The following UBE2V2 variants were observed in gnomAD, a reference collection of about 807,000 sequenced individuals.
UBE2V2 encodes ubiquitin conjugating enzyme E2 V2.
UBE2V2 carries 9 observed loss-of-function variants against 17.2 expected under a neutral mutation model. That is an observed-to-expected ratio of 0.52 (90% CI 0.32 to 0.91). UBE2V2 has a LOEUF of 0.91. Among genes scored for constraint, UBE2V2 ranks in the 40% least tolerant of loss-of-function variants. UBE2V2 has a pLI of 0.04. For synonymous variants in UBE2V2, 61 were observed against 57.5 expected, an observed-to-expected ratio of 1.06 and a Z score of -0.28; for missense variants, 133 against 182.6, an observed-to-expected ratio of 0.73 and a Z score of 1.56.
chr8:48,036,248 C>G (rs2091424293), intron 1 of UBE2V2, among the ~76,000 whole-genome samples: 1 of 151,042 alleles, frequency 6.6e-6, no homozygotes, highest in African/African-American at 2.4e-5. Context: ...AGCCACCACA[C>G]CTGGCCAATT....
intron 1 of UBE2V2, 140 bp downstream of exon 1, chr8:48,008,610 G>T: frequency 3.1e-6 from 4 of 1,292,230 alleles, no homozygotes; most frequent in Non-Finnish European, 4.0e-6. Context: ...GCAGAGCGTA[G>T]CCTGGGACCG....
At chr8:48,013,447 A>G (rs879816420) in intron 1 of UBE2V2, among the ~76,000 whole-genome samples, 1 of 151,814 alleles carries the variant, frequency 6.6e-6, no homozygotes, top group Non-Finnish European at 1.5e-5. Flanking sequence ...AGCTGGGACT[A>G]TAGGCGCCTG....
At chr8:48,049,705 A>T in intron 2 of UBE2V2, 148 bp from the exon 3 acceptor site, 1 of 661,626 alleles carries the variant, frequency 1.5e-6, no homozygotes, top group Non-Finnish European at 2.3e-6. Context: ...TAGGTGAAAT[A>T]AATTTGAATG....
chr8:48,020,957 G>C (rs1481870379), intron 1 of UBE2V2, among the ~76,000 whole-genome samples: 1 of 150,736 alleles, frequency 6.6e-6, no homozygotes, highest in Non-Finnish European at 1.5e-5. Flanking sequence ...ATATTGCCCA[G>C]GCTAGCTTTG....
chr8:48,004,590 G>A (rs532902029), upstream of UBE2V2, among the ~76,000 whole-genome samples: 3 of 148,546 alleles, frequency 2.0e-5, no homozygotes, highest in South Asian at 6.4e-4. Context: ...GGAGTGCAGT[G>A]GTGTGATCTC....
rs1472961857 is a variant in UBE2V2, at chr8:48,060,751, G to A, written c.361G>A (p.Glu121Lys). The change falls in exon 4 of 4, where the codon GAG (glutamate) becomes AAG (lysine). Residue 121 changes from glutamate (E) to lysine (K), a missense_variant. This residue lies in a region of UBE2V2 where 14 missense variants were observed against 38.1 expected (regional missense o/e 0.37). Transcript: ENST00000523111. ...NSYSIKVVLQ[E>K]LRRLMMSKEN... is the part of the protein sequence containing the mutation. ...ATATAGCATTAAAGTTGTACTTCAA[G>A]AGCTAAGACGTCTAATGATGTCCAA... 1 of 1,573,338 alleles carries A rather than the reference G, an allele frequency of 6.4e-7. No homozygotes were observed.
chr8:48,038,854 T>C (rs1260714542), intron 1 of UBE2V2, among the ~76,000 whole-genome samples: 1 of 151,666 alleles, frequency 6.6e-6, no homozygotes, highest in Non-Finnish European at 1.5e-5. Context: ...TGAACTCAAG[T>C]GATTTGCCCA....
At chr8:48,037,940 T>A (rs1320070450) in intron 1 of UBE2V2, among the ~76,000 whole-genome samples, 1 of 152,176 alleles carries the variant, frequency 6.6e-6, no homozygotes, top group Non-Finnish European at 1.5e-5. Flanking sequence ...CCCTGAATCC[T>A]CATTGCTGCA....
At chr8:48,041,170 G>GTT (rs1458120875) in intron 1 of UBE2V2, among the ~76,000 whole-genome samples, 2 of 126,880 alleles carry the variant, frequency 1.6e-5, no homozygotes, top group African/African-American at 6.4e-5. Context: ...GGCCTTTTTT[G>GTT]TTGTTTTTTT....
chr8:48,033,657 ACT>A (rs2091399941), intron 1 of UBE2V2, among the ~76,000 whole-genome samples: 1 of 151,518 alleles, frequency 6.6e-6, no homozygotes, highest in Non-Finnish European at 1.5e-5. Context: ...ACTATAGCAA[ACT>A]CTTATTAAAA....
chr8:48,046,543 C>T (rs984345970), intron 2 of UBE2V2, among the ~76,000 whole-genome samples: 12 of 152,152 alleles, frequency 7.9e-5, no homozygotes, highest in Non-Finnish European at 1.5e-4. Context: ...CGTGAGCCGC[C>T]GTGCCCGGTT....
chr8:48,008,423 G>A (rs1436256885), upstream of UBE2V2: 4 of 1,560,916 alleles, frequency 2.6e-6, no homozygotes, highest in Admixed American at 1.9e-5. Context: ...TCGTGCGTGC[G>A]TGCGGGCGGC....
intron 1 of UBE2V2, among the ~76,000 whole-genome samples, chr8:48,040,476 A>G (rs2091454157): frequency 6.6e-6 from 1 of 152,122 alleles, no homozygotes; most frequent in Admixed American, 6.5e-5. Context: ...TGTTGCCTCT[A>G]CTAAGAAGCA....
At position 48,050,631 on chromosome 8, in the gene UBE2V2, G is replaced by A. The variant is rs910745536; in HGVS notation, c.291+653G>A. 4.7e-5 allele frequency: 7 copies of A among 150,488 alleles called. No individual in the cohort carries two copies. The South Asian group carries it at 1.3e-3, about 27-fold the overall frequency. 9.3% of individuals were successfully genotyped at this position (150,488 alleles called of 1,614,324 possible). A position where few individuals can be genotyped will look rare whatever the true frequency, so the allele number is the denominator to read the frequency against. On this transcript the variant is annotated intron_variant, in intron 3 of 3. Coordinates refer to ENST00000523111, the MANE Select transcript of UBE2V2 (RefSeq NM_003350.3). ...TATTGGGCGGGGCATGGTGGCTCAC[G>A]CTTGTAGAGATTGTGCCACTGCACT...
At chr8:48,045,904 A>G (rs2091495388) in intron 2 of UBE2V2, among the ~76,000 whole-genome samples, 1 of 152,150 alleles carries the variant, frequency 6.6e-6, no homozygotes, top group Non-Finnish European at 1.5e-5. Flanking sequence ...TTTTGTCCCC[A>G]GGGTAGAGTA....
At chr8:48,000,361 A>T in the UBE2V2 span, among the ~76,000 whole-genome samples, 1 of 152,132 alleles carries the variant, frequency 6.6e-6, no homozygotes, top group African/African-American at 2.4e-5. Context: ...AGTAAAATCC[A>T]CTGTGCAGCT....
At chr8:48,040,065 A>G (rs933420236) in intron 1 of UBE2V2, among the ~76,000 whole-genome samples, 2 of 151,028 alleles carry the variant, frequency 1.3e-5, no homozygotes, top group African/African-American at 4.9e-5. Context: ...TTCTTTTGAA[A>G]TAACTTCAGA....
At chr8:48,035,898 A>T (rs1470383770) in intron 1 of UBE2V2, among the ~76,000 whole-genome samples, 1 of 151,282 alleles carries the variant, frequency 6.6e-6, no homozygotes, top group African/African-American at 2.4e-5. Context: ...CTCAAAAAAA[A>T]AATTGGAAGT....
intron 2 of UBE2V2, among the ~76,000 whole-genome samples, chr8:48,047,444 T>C (rs993041025): frequency 6.6e-6 from 1 of 152,194 alleles, no homozygotes; most frequent in Non-Finnish European, 1.5e-5. Context: ...AGTGAAATAA[T>C]GATTAGATAA....
Sources: gnomAD v4.1 joint callset for allele counts (sites outside exome capture counted in the v4.1 genomes callset) on GRCh38, gnomAD v4.1.1 for gene constraint, gnomAD v4.1.1 regional missense constraint, MANE v1.5 for transcripts, NCBI Gene and HGNC (gene_info 2026-07-23, HGNC 2026-07-21) for gene names.